The following SORCS1 variants were observed in gnomAD, a reference collection of about 807,000 sequenced individuals.
The protein encoded by SORCS1 is sortilin related VPS10 domain containing receptor 1, also known as VPS10 domain-containing receptor SorCS1.
Under a neutral mutation model 146.1 loss-of-function variants are expected in SORCS1, and 60 were observed. The observed-to-expected ratio is 0.41, with a 90% confidence interval of 0.33 to 0.51. SORCS1 has a LOEUF of 0.51. Ranked by LOEUF, SORCS1 falls within the 20% of genes least tolerant of loss-of-function variation. The probability of loss-of-function intolerance (pLI) is 0.21; values close to 1 mark genes in which losing one functional copy is unlikely to be tolerated. For synonymous variants in SORCS1, 637 were observed against 584.0 expected, an observed-to-expected ratio of 1.09 and a Z score of -1.31; for missense variants, 1,352 against 1,487.6, an observed-to-expected ratio of 0.91 and a Z score of 1.50.
intron 1 of SORCS1, among the ~76,000 whole-genome samples, chr10:107,057,336 A>T (rs1171416832): frequency 6.6e-6 from 1 of 152,212 alleles, no homozygotes; most frequent in Non-Finnish European, 1.5e-5. Context: ...CACACAACTC[A>T]GTATCTAGGT....
intron 1 of SORCS1, among the ~76,000 whole-genome samples, chr10:106,981,265 T>C (rs1051576851): frequency 6.6e-6 from 1 of 152,222 alleles, no homozygotes; most frequent in East Asian, 1.9e-4. Flanking sequence ...TTTGCAAGAA[T>C]GCATTTGTGG....
rs116978411 is a variant in SORCS1, at chr10:106,618,976, C to T, written c.2797-704G>A. 3.9e-4 allele frequency among the ~76,000 whole-genome samples: 59 copies of T among 152,260 alleles called. 1 individual carries two copies. In the East Asian group the frequency reaches 0.011, roughly 28 times the overall value. The stretch of plus-strand genomic sequence containing the variant: ...AAAAAATATTAGCCTACTGACCTCC[C>T]TTGACACACTCCTCACAAACATTTA... On this transcript the variant is annotated intron_variant, in intron 20 of 25. Transcript: ENST00000263054.
At chr10:106,898,399 C>CT in intron 2 of SORCS1, among the ~76,000 whole-genome samples, 1 of 152,304 alleles carries the variant, frequency 6.6e-6, no homozygotes. Flanking sequence ...GCTGGGCTTT[C>CT]TATGCAGGAG....
At chr10:106,838,242 C>T (rs548560981) in intron 2 of SORCS1, among the ~76,000 whole-genome samples, 4 of 152,308 alleles carry the variant, frequency 2.6e-5, no homozygotes, top group South Asian at 4.1e-4. Context: ...GGTGGTGACT[C>T]GGTTCTATGC....
chr10:107,049,089 A>C (rs1236769372), intron 1 of SORCS1, among the ~76,000 whole-genome samples: 1 of 151,710 alleles, frequency 6.6e-6, no homozygotes, highest in African/African-American at 2.4e-5. Flanking sequence ...TGCAGCCATA[A>C]AAAATGATGA....
intron 10 of SORCS1, among the ~76,000 whole-genome samples, chr10:106,685,299 C>T (rs1328588528): frequency 6.6e-6 from 1 of 152,166 alleles, no homozygotes; most frequent in Non-Finnish European, 1.5e-5. Context: ...GGTTGAGCCC[C>T]TACCACATGG....
At chr10:107,029,330 TG>T (rs936190375) in intron 1 of SORCS1, among the ~76,000 whole-genome samples, 2 of 152,258 alleles carry the variant, frequency 1.3e-5, no homozygotes, top group African/African-American at 2.4e-5. Context: ...GTCAGAAGAA[TG>T]GGTTTACCTG....
chr10:106,742,647 T>C (rs1483426057), intron 5 of SORCS1, among the ~76,000 whole-genome samples: 1 of 152,210 alleles, frequency 6.6e-6, no homozygotes, highest in Admixed American at 6.5e-5. Context: ...CCCAAAGTGC[T>C]GGGATTACAG....
chr10:106,976,533 G>T (rs1369738545), intron 1 of SORCS1, among the ~76,000 whole-genome samples: 5 of 151,852 alleles, frequency 3.3e-5, no homozygotes, highest in Admixed American at 3.3e-4. Flanking sequence ...GGGTTTCACC[G>T]TGTTAGCTAG....
chr10:106,808,565 T>G (rs557843424), intron 3 of SORCS1, among the ~76,000 whole-genome samples: 19 of 152,070 alleles, frequency 1.2e-4, no homozygotes, highest in Non-Finnish European at 2.2e-4. Context: ...TGCAGTGGCG[T>G]GATCTCGGCT....
At chr10:106,706,106 T>C (rs879784790) in intron 8 of SORCS1, among the ~76,000 whole-genome samples, 2 of 151,780 alleles carry the variant, frequency 1.3e-5, no homozygotes, top group Admixed American at 1.3e-4. Flanking sequence ...CCAATACATA[T>C]GGCTTGAAAA....
chr10:106,999,050 AAAGTACCAC>A (rs1486017392), intron 1 of SORCS1, among the ~76,000 whole-genome samples: 2 of 152,216 alleles, frequency 1.3e-5, no homozygotes, highest in Admixed American at 6.5e-5. Flanking sequence ...GAAAACTTCT[AAAGTACCAC>A]ATTTTGCCAA....
chr10:107,161,153 A>C (rs1969673608), intron 1 of SORCS1, among the ~76,000 whole-genome samples: 1 of 152,216 alleles, frequency 6.6e-6, no homozygotes, highest in African/African-American at 2.4e-5. Context: ...GGGGCAGGAA[A>C]GTGAAGGGAA....
intron 5 of SORCS1, among the ~76,000 whole-genome samples, chr10:106,744,823 T>G (rs1857603304): frequency 6.6e-6 from 1 of 152,136 alleles, no homozygotes; most frequent in Non-Finnish European, 1.5e-5. Flanking sequence ...TGTATGTGTA[T>G]AACATCTTCC....
chr10:106,792,524 A>G (rs1207352586), intron 3 of SORCS1, among the ~76,000 whole-genome samples: 1 of 152,248 alleles, frequency 6.6e-6, no homozygotes, highest in Non-Finnish European at 1.5e-5. Flanking sequence ...GAAATTAGGC[A>G]TGGAGAGACA....
At chr10:106,696,620 A>G (rs1480326427) in intron 9 of SORCS1, among the ~76,000 whole-genome samples, 1 of 152,210 alleles carries the variant, frequency 6.6e-6, no homozygotes, top group Non-Finnish European at 1.5e-5. Flanking sequence ...ACAGATAGTC[A>G]ACTGCAAGAG....
intron 21 of SORCS1, among the ~76,000 whole-genome samples, chr10:106,612,378 C>T (rs1392237561): frequency 8.0e-6 from 1 of 125,432 alleles, no homozygotes; most frequent in Non-Finnish European, 1.7e-5. Context: ...TCCCCCTTTC[C>T]CCCTTTTCTC....
chr10:106,579,385 T>G lies in SORCS1; in HGVS notation c.3355A>C (p.Ile1119Leu), dbSNP rs1844765687. 6.2e-7 allele frequency: 1 copy of G among 1,613,776 alleles called. No individual in the cohort carries two copies. Among genetic ancestry groups the G allele is most frequent in the Non-Finnish European group, 8.5e-7 (1 of 1,179,972 alleles). ...GACACGCACCTTTTAAACTTGTAGA[T>G]GACGAACACTGCCAGCCCCACAAAC... ...VVFVGLAVFV[I>L]YKFKRRVALP... The change falls in exon 25 of 26, where the codon ATC becomes CTC. Residue 1119 changes from isoleucine to leucine, a missense_variant. This residue lies in a region of SORCS1 where 214 missense variants were observed against 204.8 expected (regional missense o/e 1.05). Coordinates refer to ENST00000263054, the MANE Select transcript of SORCS1 (RefSeq NM_052918.5).
chr10:106,641,963 T>C (rs1024196571), intron 18 of SORCS1, among the ~76,000 whole-genome samples: 4 of 152,256 alleles, frequency 2.6e-5, no homozygotes, highest in African/African-American at 9.6e-5. Flanking sequence ...AGTCCATTAA[T>C]GAATGAAAAG....
Sources: allele counts gnomAD v4.1 joint callset (sites outside exome capture counted in the v4.1 genomes callset), GRCh38; gene constraint gnomAD v4.1.1; regional missense constraint gnomAD v4.1.1; transcripts MANE v1.5; gene names NCBI Gene and HGNC (gene_info 2026-07-23, HGNC 2026-07-21).